Variants in KIRREL3 observed in about 807,000 individuals in gnomAD.
KIRREL3 encodes kin of IRRE-like protein 3.
KIRREL3 carries 36 observed loss-of-function variants against 89.7 expected under a neutral mutation model. The ratio of observed to expected loss-of-function variants is 0.40; its 90% CI spans 0.31 to 0.53. The LOEUF (loss-of-function observed/expected upper bound fraction) is 0.53. Among genes scored for constraint, KIRREL3 ranks in the 20% least tolerant of loss-of-function variants. The pLI is 0.49. For missense variants in KIRREL3, 864 were observed against 1,056.6 expected, an observed-to-expected ratio of 0.82 and a Z score of 2.53; for synonymous variants, 445 against 441.4, an observed-to-expected ratio of 1.01 and a Z score of -0.10.
At chr11:126,456,233 G>C in intron 7 of KIRREL3, 116 bp downstream of exon 7, 2 of 679,156 alleles carry the variant, frequency 2.9e-6, no homozygotes, top group Non-Finnish European at 5.2e-6. Context: ...CTGGACACGC[G>C]GTGTGGACTA....
chr11:126,947,143 C>T (rs1452581031), intron 1 of KIRREL3, among the ~76,000 whole-genome samples: 1 of 152,182 alleles, frequency 6.6e-6, no homozygotes, highest in Non-Finnish European at 1.5e-5. Context: ...AACTTAGCTC[C>T]TCTCGTTTAT....
chr11:126,750,012 T>C lies in KIRREL3; in HGVS notation c.56-187100A>G, dbSNP rs1949283670. On this transcript the variant is annotated intron_variant, in intron 1 of 16. Transcript: ENST00000525144. This position sits in a 1 kb window ranked among gnomAD's most constrained non-coding sequence, Gnocchi z 4.2. ...GAAATGAGTGGTTCTGGATGAAGTT[T>C]CCTGACTTTACTGAACTTCAGTTTA... 6.6e-6 allele frequency among the ~76,000 whole-genome samples: 1 copy of C among 152,230 alleles called. No individual in the cohort carries two copies. Among genetic ancestry groups the C allele is most frequent in the African/African-American group, 2.4e-5 (1 of 41,448 alleles).
intron 1 of KIRREL3, among the ~76,000 whole-genome samples, chr11:126,743,987 A>C (rs1363085438): frequency 3.3e-5 from 5 of 152,228 alleles, no homozygotes; most frequent in African/African-American, 1.2e-4. Flanking sequence ...CTTCATCAGG[A>C]TGGCCTCATG....
rs533402700 is a variant in KIRREL3 at position 126,567,337 on chromosome 11, C to T, written c.56-4425G>A. 1.4e-3 allele frequency among the ~76,000 whole-genome samples: 207 copies of T among 152,276 alleles called. 2 individuals are homozygous for T. The highest frequency in any genetic ancestry group is 4.7e-3 in the African/African-American group (197 of 41,554). On this transcript the variant is annotated intron_variant, in intron 1 of 16. Transcript: ENST00000525144. ...GTAAAAACTTGAAGACAGCCATCTG[C>T]AATCCAAAGAGGGTGCCTGGGACAG...
intron 1 of KIRREL3, among the ~76,000 whole-genome samples, chr11:126,693,607 CCACACA>C (rs34918602): frequency 2.7e-5 from 4 of 149,884 alleles, no homozygotes; most frequent in Non-Finnish European, 5.9e-5. Flanking sequence ...GTGCCTGTGA[CCACACA>C]CACACACACA....
rs188233561 is a variant in KIRREL3, at chr11:126,946,800, A to G, written c.55+53655T>C. On this transcript the variant is annotated intron_variant, in intron 1 of 16. Coordinates refer to ENST00000525144, the MANE Select transcript of KIRREL3 (RefSeq NM_032531.4). This position sits in a 1 kb window ranked among gnomAD's most constrained non-coding sequence, Gnocchi z 4.1. The stretch of plus-strand genomic sequence containing the variant: ...TTCTACACAGGTTTTGTTGCAATTT[A>G]TCTTCACGAAACAACCATATAAGTA... 1.3e-5 allele frequency among the ~76,000 whole-genome samples: 2 copies of G among 152,330 alleles called. No individual in the cohort carries two copies. The highest frequency in any genetic ancestry group is 1.9e-4 in the East Asian group (1 of 5,184).
intron 1 of KIRREL3, among the ~76,000 whole-genome samples, chr11:126,667,328 T>G (rs1395076857): frequency 6.6e-6 from 1 of 152,254 alleles, no homozygotes; most frequent in Admixed American, 6.5e-5. Context: ...CAAACATTTC[T>G]GATCAAAACT....
intron 1 of KIRREL3, among the ~76,000 whole-genome samples, chr11:126,661,304 G>A (rs1382694539): frequency 6.6e-6 from 1 of 152,168 alleles, no homozygotes; most frequent in East Asian, 1.9e-4. Context: ...ATCACAAAGA[G>A]AACAGATACT....
At chr11:126,873,340 A>G (rs977687637) in intron 1 of KIRREL3, among the ~76,000 whole-genome samples, 4 of 152,196 alleles carry the variant, frequency 2.6e-5, no homozygotes, top group African/African-American at 9.7e-5. Context: ...AGGTAGAGGG[A>G]AAAGAATAAA....
intron 1 of KIRREL3, among the ~76,000 whole-genome samples, chr11:126,980,026 T>C (rs1675286699): frequency 6.6e-6 from 1 of 152,054 alleles, no homozygotes; most frequent in South Asian, 2.1e-4. Context: ...ACTGAACACA[T>C]GAAAGGATAG....
chr11:126,894,770 C>A (rs550024011), intron 1 of KIRREL3, among the ~76,000 whole-genome samples: 2 of 151,634 alleles, frequency 1.3e-5, no homozygotes, highest in South Asian at 2.1e-4. Context: ...ATTGATCAAT[C>A]GTGTTAAGTA....
At chr11:126,913,532 T>C (rs778606516) in intron 1 of KIRREL3, among the ~76,000 whole-genome samples, 1 of 152,126 alleles carries the variant, frequency 6.6e-6, no homozygotes, top group African/African-American at 2.4e-5. Context: ...CTGATGGCCA[T>C]GAAGGAGGCT....
At chr11:126,435,521 G>A (rs936384532) in intron 12 of KIRREL3, among the ~76,000 whole-genome samples, 3 of 146,854 alleles carry the variant, frequency 2.0e-5, no homozygotes, top group Admixed American at 6.8e-5. Context: ...GAGAGATCAC[G>A]TCTCGGAGGG....
chr11:126,842,227 G>A (rs1421050911), intron 1 of KIRREL3, among the ~76,000 whole-genome samples: 1 of 152,184 alleles, frequency 6.6e-6, no homozygotes, highest in Non-Finnish European at 1.5e-5. Flanking sequence ...GACAGAGACA[G>A]CACATTGATA....
At position 126,710,169 on chromosome 11, in the gene KIRREL3, A is replaced by G. The variant is rs1947701775; in HGVS notation, c.56-147257T>C. The stretch of plus-strand genomic sequence containing the variant: ...TATTCTGTCCTGTGTCCATCAGTAG[A>G]TGGGCTGGCATCAGTGGACCCCAGA... On this transcript the variant is annotated intron_variant, in intron 1 of 16. Transcript: ENST00000525144. This position sits in a 1 kb window ranked among gnomAD's most constrained non-coding sequence, Gnocchi z 4.2. Among the ~76,000 whole-genome samples the G allele has an allele frequency of 6.6e-6, 1 of 152,152 alleles. No homozygotes were observed. The highest frequency in any genetic ancestry group is 2.4e-5 in the African/African-American group (1 of 41,428).
At chr11:126,952,183 C>G (rs564025470) in intron 1 of KIRREL3, among the ~76,000 whole-genome samples, 4 of 152,072 alleles carry the variant, frequency 2.6e-5, no homozygotes, top group East Asian at 1.9e-4. Flanking sequence ...GTCAGGAGTT[C>G]GAGAGCAGCC....
intron 4 of KIRREL3, among the ~76,000 whole-genome samples, chr11:126,488,799 T>C (rs185764932): frequency 1.3e-5 from 2 of 152,282 alleles, no homozygotes; most frequent in East Asian, 3.9e-4. Flanking sequence ...CCCCCCAAAA[T>C]GACGATCTAA....
chr11:126,737,501 T>A (rs1243707251), intron 1 of KIRREL3, among the ~76,000 whole-genome samples: 2 of 152,162 alleles, frequency 1.3e-5, no homozygotes, highest in East Asian at 3.9e-4. Flanking sequence ...CACCGCCCCA[T>A]GGATTCTGGG....
intron 1 of KIRREL3, among the ~76,000 whole-genome samples, chr11:126,859,279 G>A (rs1944633666): frequency 2.0e-5 from 3 of 152,158 alleles, no homozygotes; most frequent in African/African-American, 4.8e-5. Flanking sequence ...TAATTCTCAC[G>A]ATGGGCCCAA....
Sources: allele counts gnomAD v4.1 joint callset (sites outside exome capture counted in the v4.1 genomes callset), GRCh38; gene constraint gnomAD v4.1.1; non-coding constraint Gnocchi (gnomAD v3.1); transcripts MANE v1.5; gene names NCBI Gene and HGNC (gene_info 2026-07-23, HGNC 2026-07-21).